PLSCR2: variants seen among roughly 807,000 people sequenced by gnomAD.
PLSCR2 encodes the protein phospholipid scramblase 2.
In PLSCR2, 18 loss-of-function variants were observed where a neutral mutation model predicts 25.3. The observed-to-expected ratio is 0.71, with a 90% confidence interval of 0.49 to 1.06. The LOEUF (loss-of-function observed/expected upper bound fraction) is 1.06, where lower values mean the gene tolerates loss of function less well. Ranked by LOEUF, PLSCR2 falls within the 50% of genes least tolerant of loss-of-function variation. The pLI, the probability that PLSCR2 is intolerant of heterozygous loss-of-function variation, is 0.00. For synonymous variants in PLSCR2, 88 were observed against 87.3 expected (o/e 1.01, Z -0.04); for missense variants, 243 against 269.5 (o/e 0.90, Z 0.69).
rs1375169422 is a variant in PLSCR2, at chr3:146,402,118, G to A, written c.101-6197C>T. Among the ~76,000 whole-genome samples, 4 of 151,860 alleles carry A rather than the reference G, an allele frequency of 2.6e-5. No homozygotes were observed. The East Asian group carries it at 5.8e-4, about 22-fold the overall frequency. On this transcript the variant is annotated intron_variant and NMD_transcript_variant, in intron 2 of 3. Coordinates refer to the PLSCR2 transcript ENST00000463633. Reference sequence around the variant, plus strand: ...CTTAAAAAAGTTTTAGGCATCAAATGTTCACTACTGCACTATTTAGAACAG... The same window carrying A: ...CTTAAAAAAGTTTTAGGCATCAAATATTCACTACTGCACTATTTAGAACAG...
intron 3 of PLSCR2, among the ~76,000 whole-genome samples, chr3:146,392,293 G>A (rs546109788): frequency 3.2e-4 from 48 of 151,940 alleles, no homozygotes; most frequent in Non-Finnish European, 4.6e-4. Context: ...TCCTCTAAAG[G>A]TTGTACCTAT....
chr3:146,398,859 A>G (rs2038366233), intron 2 of PLSCR2: 1 of 152,272 alleles, frequency 6.6e-6, no homozygotes, highest in South Asian at 2.1e-4. Flanking sequence ...ATCCAACTGG[A>G]TATGTTAGAC....
At position 146,458,136 on chromosome 3, in the gene PLSCR2, A is replaced by G. The variant is rs536550397; in HGVS notation, c.100+275T>C. Among the ~76,000 whole-genome samples the G allele has an allele frequency of 2.6e-5, 4 of 152,322 alleles. 1 individual carries two copies. The South Asian group carries it at 8.3e-4, about 32-fold the overall frequency. ...AAAGAAGTCTGCAAATGCTCGGTAC[A>G]GGTACAATTTCTAAAAATATGTTTT... On this transcript the variant is annotated intron_variant, in intron 3 of 6. Transcript: ENST00000610787.
intron 1 of PLSCR2, among the ~76,000 whole-genome samples, chr3:146,482,291 C>A (rs1432878515): frequency 6.6e-6 from 1 of 152,074 alleles, no homozygotes; most frequent in Non-Finnish European, 1.5e-5. Flanking sequence ...AGCAGGCAAC[C>A]TACAGAATGG....
intron 4 of PLSCR2, among the ~76,000 whole-genome samples, chr3:146,454,614 C>T (rs934077205): frequency 1.3e-5 from 2 of 152,156 alleles, no homozygotes; most frequent in African/African-American, 2.4e-5. Context: ...CCTAAAACAT[C>T]TCTGAACCCT....
chr3:146,422,135 A>G (rs140885395), intron 2 of PLSCR2, among the ~76,000 whole-genome samples: 161 of 152,134 alleles, frequency 1.1e-3, no homozygotes, highest in African/African-American at 3.6e-3. Flanking sequence ...TCTGGCTGGC[A>G]CCTCCATGAG....
intron 2 of PLSCR2, among the ~76,000 whole-genome samples, chr3:146,416,330 T>C (rs2039006522): frequency 6.6e-6 from 1 of 152,092 alleles, no homozygotes; most frequent in African/African-American, 2.4e-5. Flanking sequence ...AAAGTGTAAG[T>C]TTACTATCTC....
At chr3:146,449,833 C>T (rs895054209) in intron 5 of PLSCR2, among the ~76,000 whole-genome samples, 1 of 152,098 alleles carries the variant, frequency 6.6e-6, no homozygotes, top group Non-Finnish European at 1.5e-5. Flanking sequence ...CTCACTACCA[C>T]CCACTGTCAG....
intron 6 of PLSCR2, among the ~76,000 whole-genome samples, chr3:146,444,918 T>C (rs1282386747): frequency 6.6e-6 from 1 of 152,094 alleles, no homozygotes; most frequent in Non-Finnish European, 1.5e-5. Flanking sequence ...TGATTCTGTA[T>C]GTATCTTTTC....
chr3:146,486,692 A>T (rs2043356557), intron 1 of PLSCR2, among the ~76,000 whole-genome samples: 1 of 152,112 alleles, frequency 6.6e-6, no homozygotes. Context: ...CCTACCAAAA[A>T]AAAACCCAGG....
intron 2 of PLSCR2, among the ~76,000 whole-genome samples, chr3:146,418,307 G>A (rs930399370): frequency 6.6e-6 from 1 of 152,166 alleles, no homozygotes; most frequent in Non-Finnish European, 1.5e-5. Context: ...ACACATTACA[G>A]TATCTACTTA....
chr3:146,435,001 T>C (rs1426533866), intron 8 of PLSCR2, among the ~76,000 whole-genome samples: 1 of 146,320 alleles, frequency 6.8e-6, no homozygotes, highest in Non-Finnish European at 1.5e-5. Flanking sequence ...AATTCCCACC[T>C]ATGAGTGAGA....
intron 2 of PLSCR2, among the ~76,000 whole-genome samples, chr3:146,422,225 A>T (rs1576592413): frequency 6.6e-6 from 1 of 152,228 alleles, no homozygotes; most frequent in East Asian, 1.9e-4. Flanking sequence ...ATATTAAACA[A>T]GAAAACAAAC....
At chr3:146,474,550 C>G (rs1216609600) in intron 1 of PLSCR2, among the ~76,000 whole-genome samples, 1 of 152,128 alleles carries the variant, frequency 6.6e-6, no homozygotes, top group Non-Finnish European at 1.5e-5. Flanking sequence ...GCTGTTCTCT[C>G]TGGTTGCCCT....
chr3:146,490,099 G>T (rs1214825799), intron 1 of PLSCR2, among the ~76,000 whole-genome samples: 1 of 151,856 alleles, frequency 6.6e-6, no homozygotes, highest in African/African-American at 2.4e-5. Flanking sequence ...GATCCATCTG[G>T]GTCAAAATTT....
chr3:146,442,392 G>A (rs1015310329), intron 6 of PLSCR2, among the ~76,000 whole-genome samples: 11 of 151,924 alleles, frequency 7.2e-5, no homozygotes, highest in Admixed American at 2.6e-4. Context: ...CTACTGAAAG[G>A]GAACTACAGA....
chr3:146,456,028 C>T (rs1308896807), intron 3 of PLSCR2, among the ~76,000 whole-genome samples: 2 of 152,102 alleles, frequency 1.3e-5, no homozygotes, highest in South Asian at 2.1e-4. Context: ...GGACTCAGGG[C>T]ACCCTTATTT....
At chr3:146,447,937 T>G (rs2108296993) in intron 6 of PLSCR2, among the ~76,000 whole-genome samples, 1 of 152,298 alleles carries the variant, frequency 6.6e-6, no homozygotes, top group Admixed American at 6.5e-5. Context: ...GCCATGCCAC[T>G]TGTTACTTTC....
At chr3:146,411,018 A>C (rs2038829694) in intron 2 of PLSCR2, among the ~76,000 whole-genome samples, 1 of 152,210 alleles carries the variant, frequency 6.6e-6, no homozygotes, top group African/African-American at 2.4e-5. Context: ...AAACTGGAGG[A>C]TAAGTGCAAG....
Sources: allele counts gnomAD v4.1 joint callset (sites outside exome capture counted in the v4.1 genomes callset), GRCh38; gene constraint gnomAD v4.1.1; transcripts MANE v1.5; gene names NCBI Gene and HGNC (gene_info 2026-07-23, HGNC 2026-07-21).